The following ARHGEF3 variants were observed in gnomAD, a reference collection of about 807,000 sequenced individuals.
ARHGEF3 encodes 59.8 kDA protein.
A neutral mutation model predicts 63.2 loss-of-function variants in ARHGEF3; 28 were observed. The observed-to-expected ratio is 0.44, with a 90% CI of 0.33 to 0.61. The LOEUF (loss-of-function observed/expected upper bound fraction) is 0.61. Among genes scored for constraint, ARHGEF3 ranks in the 20% least tolerant of loss-of-function variants. The pLI, the probability that ARHGEF3 is intolerant of heterozygous loss-of-function variation, is 0.03. For missense variants in ARHGEF3, 533 were observed against 659.3 expected (o/e 0.81, Z 2.10); for synonymous variants, 266 against 254.2 (o/e 1.05, Z -0.44).
chr3:56,801,843 G>C lies in ARHGEF3; in HGVS notation c.-45C>G. The C allele has an allele frequency of 6.4e-7, 1 of 1,551,836 alleles. No homozygotes were observed. The highest frequency in any genetic ancestry group is 8.7e-7 in the Non-Finnish European group (1 of 1,147,056). The stretch of plus-strand genomic sequence containing the variant: ...CTTTGGGATGTCACCGCTGACCCTA[G>C]GCGACTACAAAACTCCCAGGCAAAA... On this transcript the variant is annotated 5_prime_UTR_variant, in exon 1 of 10. Coordinates refer to ENST00000296315, the MANE Select transcript of ARHGEF3 (RefSeq NM_019555.3).
At chr3:56,953,659 T>C (rs570099665) in intron 3 of ARHGEF3, among the ~76,000 whole-genome samples, 2 of 152,300 alleles carry the variant, frequency 1.3e-5, no homozygotes, top group South Asian at 4.1e-4. Flanking sequence ...CCATAGCGAT[T>C]GGCCGAGGCA....
At chr3:56,750,774 A>G (rs1038294780) in intron 6 of ARHGEF3, among the ~76,000 whole-genome samples, 6 of 149,740 alleles carry the variant, frequency 4.0e-5, no homozygotes, top group African/African-American at 1.5e-4. Flanking sequence ...TTTTATTTTG[A>G]TACGAAACTA....
At chr3:56,897,859 C>A (rs994268815) in intron 3 of ARHGEF3, among the ~76,000 whole-genome samples, 1 of 152,030 alleles carries the variant, frequency 6.6e-6, no homozygotes, top group African/African-American at 2.4e-5. Context: ...GCCACCATGC[C>A]CGGCCCTATT....
intron 1 of ARHGEF3, among the ~76,000 whole-genome samples, chr3:56,801,476 C>T (rs1391578782): frequency 6.6e-6 from 1 of 152,154 alleles, no homozygotes; most frequent in East Asian, 1.9e-4. Flanking sequence ...GCAGCTAGTG[C>T]TTGGTCCACA....
At chr3:57,028,458 C>T (rs1332234613) in intron 2 of ARHGEF3, among the ~76,000 whole-genome samples, 5 of 98,184 alleles carry the variant, frequency 5.1e-5, no homozygotes, top group Non-Finnish European at 6.1e-5. Flanking sequence ...AACCAAACAC[C>T]GCATATTCTC....
chr3:57,063,678 G>A (rs1334976573), intron 1 of ARHGEF3, among the ~76,000 whole-genome samples: 1 of 152,292 alleles, frequency 6.6e-6, no homozygotes. Context: ...AAGGCTTCGA[G>A]GAAGAGAAAG....
chr3:56,732,085 TA>T (rs1302173353), intron 9 of ARHGEF3, 152 bp downstream of exon 9: 3 of 905,844 alleles, frequency 3.3e-6, no homozygotes, highest in Non-Finnish European at 5.0e-6. Context: ...TCACAGGGAC[TA>T]AACAAAGTAC....
chr3:56,861,465 A>G lies in ARHGEF3; in HGVS notation c.192+20827T>C, dbSNP rs182410968. 2.4e-3 allele frequency among the ~76,000 whole-genome samples: 366 copies of G among 152,318 alleles called. 7 individuals are homozygous for G. Among genetic ancestry groups the G allele is most frequent in the Admixed American group, 0.022 (339 of 15,298 alleles). ...TAGATTGCCCAGGTGAAAGCATGCAAAAGAAACAGTCTTCCTAGCAGGAAA... is the reference window on the plus strand; with the variant it reads ...TAGATTGCCCAGGTGAAAGCATGCAGAAGAAACAGTCTTCCTAGCAGGAAA... On this transcript the variant is annotated intron_variant, in intron 4 of 12. Coordinates refer to the ARHGEF3 transcript ENST00000338458.
intron 4 of ARHGEF3, among the ~76,000 whole-genome samples, chr3:56,845,876 G>A (rs1175148422): frequency 6.6e-6 from 1 of 152,212 alleles, no homozygotes; most frequent in Non-Finnish European, 1.5e-5. Flanking sequence ...CCACACCGAA[G>A]TTGTGCTTGC....
At chr3:57,013,259 G>A (rs1434220721) in intron 2 of ARHGEF3, among the ~76,000 whole-genome samples, 2 of 152,248 alleles carry the variant, frequency 1.3e-5, no homozygotes, top group East Asian at 1.9e-4. Flanking sequence ...CAGGCATGCG[G>A]TGTGGGACTG....
intron 1 of ARHGEF3, among the ~76,000 whole-genome samples, chr3:56,797,119 G>A (rs543492183): frequency 4.4e-4 from 67 of 152,246 alleles, no homozygotes; most frequent in African/African-American, 1.6e-3. Flanking sequence ...AGGAGTTAGA[G>A]CTCTCATCAT....
chr3:56,909,491 C>T (rs2041796332), intron 3 of ARHGEF3, among the ~76,000 whole-genome samples: 1 of 152,232 alleles, frequency 6.6e-6, no homozygotes, highest in African/African-American at 2.4e-5. Context: ...ATCAACTCTC[C>T]CTTTCTCATA....
intron 4 of ARHGEF3, among the ~76,000 whole-genome samples, chr3:56,862,328 C>A (rs2040104723): frequency 6.6e-6 from 1 of 152,156 alleles, no homozygotes; most frequent in African/African-American, 2.4e-5. Flanking sequence ...GTCTGTCGAA[C>A]AGCCAACACC....
In ARHGEF3 at chr3:56,901,269, A is replaced by G. The variant is rs560516110; in HGVS notation, c.130-18915T>C. Reference sequence around the variant, plus strand: ...TTTCATTGGTGCCCTTGAGGGTCCAAGGCTAATGTCAGAAGGACCACTGAC... The same window carrying G: ...TTTCATTGGTGCCCTTGAGGGTCCAGGGCTAATGTCAGAAGGACCACTGAC... On this transcript the variant is annotated intron_variant, in intron 3 of 12. Coordinates refer to the ARHGEF3 transcript ENST00000338458. 5.3e-5 allele frequency among the ~76,000 whole-genome samples: 8 copies of G among 152,284 alleles called. No individual in the cohort carries two copies. In the South Asian group the frequency reaches 1.5e-3, roughly 28 times the overall value.
chr3:56,985,594 C>G (rs1448789185), intron 2 of ARHGEF3, among the ~76,000 whole-genome samples: 1 of 152,198 alleles, frequency 6.6e-6, no homozygotes, highest in Non-Finnish European at 1.5e-5. Context: ...AGGTGGGCAG[C>G]AGGGCTCAGG....
intron 3 of ARHGEF3, among the ~76,000 whole-genome samples, chr3:56,887,568 A>G (rs1372970670): frequency 6.6e-6 from 1 of 152,116 alleles, no homozygotes; most frequent in Non-Finnish European, 1.5e-5. Context: ...AAAAAATGCC[A>G]TTTTACTTCC....
intron 4 of ARHGEF3, among the ~76,000 whole-genome samples, chr3:56,836,890 G>A (rs1479728286): frequency 6.6e-6 from 1 of 152,110 alleles, no homozygotes; most frequent in Non-Finnish European, 1.5e-5. Context: ...TTGTGCCACT[G>A]CACTCCAGCC....
intron 4 of ARHGEF3, among the ~76,000 whole-genome samples, chr3:56,878,378 A>T (rs2040657936): frequency 6.6e-6 from 1 of 152,174 alleles, no homozygotes; most frequent in South Asian, 2.1e-4. Flanking sequence ...ATTTTCCCTC[A>T]GAAATAGTTT....
At chr3:56,916,522 G>T in intron 3 of ARHGEF3, 2 of 1,357,562 alleles carry the variant, frequency 1.5e-6, no homozygotes, top group Non-Finnish European at 1.9e-6. Flanking sequence ...GCTGAGAGCC[G>T]CACCAGTCAA....
Sources: allele counts gnomAD v4.1 joint callset (sites outside exome capture counted in the v4.1 genomes callset), GRCh38; gene constraint gnomAD v4.1.1; transcripts MANE v1.5; gene names NCBI Gene and HGNC (gene_info 2026-07-23, HGNC 2026-07-21).